Variants in CADM2 observed in about 807,000 individuals in gnomAD.
The protein encoded by CADM2 is immunoglobulin superfamily member 4D.
A neutral mutation model predicts 49.8 loss-of-function variants in CADM2; 12 were observed. The observed-to-expected ratio is 0.24, with a 90% CI of 0.15 to 0.39. The LOEUF is 0.39. CADM2 is among the 10% of genes least tolerant of loss of function. The pLI is 1.00. For missense variants in CADM2, 378 were observed against 492.3 expected, an observed-to-expected ratio of 0.77 and a Z score of 2.20; for synonymous variants, 214 against 175.4, an observed-to-expected ratio of 1.22 and a Z score of -1.74.
In CADM2 at chr3:85,336,981, T is replaced by TATATATATTAAATATATATTTA. The variant is rs1318747195; in HGVS notation, c.61+377321_61+377322insTAAATATATATTTAATATATAT. Among the ~76,000 whole-genome samples the TATATATATTAAATATATATTTA allele has an allele frequency of 4.9e-3, 89 of 18,110 alleles. 1 individual carries two copies. Among genetic ancestry groups the TATATATATTAAATATATATTTA allele is most frequent in the African/African-American group, 7.0e-3 (80 of 11,390 alleles). 11.9% of individuals were successfully genotyped at this position (18,110 alleles called of 152,430 possible). A position where few individuals can be genotyped will look rare whatever the true frequency, so the allele number is the denominator to read the frequency against. ...ATATATATATTAAATATATATTTAATATATATATATTTAATATATATTAAA... is the reference window on the plus strand; with the variant it reads ...ATATATATATTAAATATATATTTAATATATATATTAAATATATATTTAATATATATATTTAATATATATTAAA... On this transcript the variant is annotated intron_variant, in intron 1 of 9. Coordinates refer to ENST00000383699, the MANE Select transcript of CADM2 (RefSeq NM_001167675.2).
intron 1 of CADM2, among the ~76,000 whole-genome samples, chr3:85,634,982 T>C (rs1487469418): frequency 6.6e-6 from 1 of 152,084 alleles, no homozygotes; most frequent in African/African-American, 2.4e-5. Flanking sequence ...ATAGAAATTG[T>C]AGCAGTTCCT....
Position 85,886,086 on chromosome 3 carries a change from T to G in CADM2, c.392-104T>G, listed in dbSNP as rs1356416607. On this transcript the variant is annotated intron_variant, in intron 4 of 9. Coordinates refer to ENST00000383699, the MANE Select transcript of CADM2 (RefSeq NM_001167675.2). ...GTTTGTTCATCTTGATCGAACTTCT[T>G]GTCAATTAACCATCCAGTTCAGTTT... 3.3e-6 allele frequency: 5 copies of G among 1,514,808 alleles called. No individual in the cohort carries two copies. In the Admixed American group the frequency reaches 6.2e-5, roughly 19 times the overall value. The allele number at this position is 1,514,808 out of a possible 1,614,324, so 93.8% of individuals were successfully genotyped here. A position where few individuals can be genotyped will look rare whatever the true frequency, so the allele number is the denominator to read the frequency against.
intron 1 of CADM2, among the ~76,000 whole-genome samples, chr3:85,422,786 G>T (rs2036233610): frequency 6.6e-6 from 1 of 151,964 alleles, no homozygotes. Flanking sequence ...TTATGGGAGA[G>T]AGAACACACA....
intron 1 of CADM2, among the ~76,000 whole-genome samples, chr3:85,061,172 A>T (rs865854594): frequency 5.3e-5 from 8 of 152,156 alleles, no homozygotes; most frequent in Non-Finnish European, 1.5e-5. Context: ...TCTATTGAAA[A>T]CTATGTATCT....
intron 1 of CADM2, among the ~76,000 whole-genome samples, chr3:85,392,245 C>A: frequency 6.6e-6 from 1 of 152,038 alleles, no homozygotes; most frequent in East Asian, 1.9e-4. Flanking sequence ...TCAAAGAAAT[C>A]CCTTTCACTA....
At chr3:85,649,696 C>T (rs1462369495) in intron 1 of CADM2, among the ~76,000 whole-genome samples, 2 of 152,076 alleles carry the variant, frequency 1.3e-5, no homozygotes, top group African/African-American at 4.8e-5. Context: ...CAAAGGAGAC[C>T]GTGATTCTGC....
intron 8 of CADM2, among the ~76,000 whole-genome samples, chr3:86,043,741 C>G (rs1045806408): frequency 6.6e-6 from 1 of 152,120 alleles, no homozygotes; most frequent in Non-Finnish European, 1.5e-5. Flanking sequence ...AAAAAAGAGA[C>G]CACCTTGCCA....
intron 1 of CADM2, among the ~76,000 whole-genome samples, chr3:85,117,235 A>G (rs1313722515): frequency 8.0e-6 from 1 of 125,640 alleles, no homozygotes; most frequent in African/African-American, 3.2e-5. Flanking sequence ...AAAGAAAAAA[A>G]AGAGAAAATT....
At position 86,020,924 on chromosome 3, in the gene CADM2, G is replaced by A. The variant is rs557664859; in HGVS notation, c.971-44681G>A. Among the ~76,000 whole-genome samples the A allele has an allele frequency of 1.9e-4, 29 of 152,178 alleles. No homozygotes were observed. In the South Asian group the frequency reaches 5.2e-3, roughly 27 times the overall value. On this transcript the variant is annotated intron_variant, in intron 8 of 9. Transcript: ENST00000383699. ...CTGGAAGCATTCCCTTTGAAAACTG[G>A]CACAAGACAGGGATGCCTTCTCTCA...
intron 2 of CADM2, among the ~76,000 whole-genome samples, chr3:85,736,015 T>G (rs1010430048): frequency 6.6e-6 from 1 of 152,100 alleles, no homozygotes; most frequent in Non-Finnish European, 1.5e-5. Context: ...GCTCATCAAA[T>G]GCATGAGTAT....
At chr3:85,541,140 G>A (rs1453888745) in intron 1 of CADM2, among the ~76,000 whole-genome samples, 1 of 150,474 alleles carries the variant, frequency 6.6e-6, no homozygotes, top group Non-Finnish European at 1.5e-5. Context: ...CAGCCAATTT[G>A]ACACATATAT....
intron 1 of CADM2, among the ~76,000 whole-genome samples, chr3:85,359,279 C>T (rs1422682051): frequency 2.0e-5 from 3 of 152,044 alleles, no homozygotes; most frequent in African/African-American, 4.8e-5. Context: ...AATCCAAATA[C>T]TTGAACAAGC....
intron 8 of CADM2, among the ~76,000 whole-genome samples, chr3:86,032,890 T>C (rs1734718080): frequency 6.6e-6 from 1 of 151,940 alleles, no homozygotes; most frequent in African/African-American, 2.4e-5. Context: ...TCTACAGATT[T>C]CTTTTCTTAT....
At chr3:85,884,455 A>G (rs1387077872) in intron 4 of CADM2, among the ~76,000 whole-genome samples, 2 of 152,194 alleles carry the variant, frequency 1.3e-5, no homozygotes, top group Non-Finnish European at 2.9e-5. Flanking sequence ...AAGACAAAAT[A>G]TGCCCTCTAA....
At chr3:85,120,474 C>A (rs1331458300) in intron 1 of CADM2, among the ~76,000 whole-genome samples, 3 of 152,148 alleles carry the variant, frequency 2.0e-5, no homozygotes, top group Middle Eastern at 3.2e-3. Flanking sequence ...GGCACATATA[C>A]ACCATGGAAT....
At chr3:85,120,121 C>A (rs771783593) in intron 1 of CADM2, among the ~76,000 whole-genome samples, 1 of 152,146 alleles carries the variant, frequency 6.6e-6, no homozygotes, top group Non-Finnish European at 1.5e-5. Context: ...AAATGCAAAT[C>A]AAAACCACAA....
At chr3:85,209,707 A>G (rs543641502) in intron 1 of CADM2, among the ~76,000 whole-genome samples, 1 of 152,140 alleles carries the variant, frequency 6.6e-6, no homozygotes, top group African/African-American at 2.4e-5. Context: ...AGCCACCTTG[A>G]AACATGTTGC....
At chr3:85,354,026 T>C (rs2031605764) in intron 1 of CADM2, among the ~76,000 whole-genome samples, 1 of 152,036 alleles carries the variant, frequency 6.6e-6, no homozygotes, top group Non-Finnish European at 1.5e-5. Context: ...CATTTTTTTT[T>C]CTGGAGCTTA....
At chr3:85,538,424 T>G (rs1343596982) in intron 1 of CADM2, among the ~76,000 whole-genome samples, 1 of 147,728 alleles carries the variant, frequency 6.8e-6, no homozygotes, top group Admixed American at 7.0e-5. Flanking sequence ...GGGACTATGC[T>G]GAGATGCAGG....
Sources: allele counts gnomAD v4.1 joint callset (sites outside exome capture counted in the v4.1 genomes callset), GRCh38; gene constraint gnomAD v4.1.1; transcripts MANE v1.5; gene names NCBI Gene and HGNC (gene_info 2026-07-23, HGNC 2026-07-21).